Variants in OR2L13 observed in about 807,000 individuals in gnomAD.
The protein encoded by OR2L13 is olfactory receptor 2L13.
OR2L13 carries 14 observed loss-of-function variants against 15.3 expected under a neutral mutation model. The observed-to-expected ratio is 0.91, with a 90% confidence interval of 0.60 to 1.43. The LOEUF (loss-of-function observed/expected upper bound fraction) is 1.43, where lower values mean the gene tolerates loss of function less well. OR2L13 is among the 40% of genes most tolerant of loss of function. OR2L13 has a pLI of 0.00. For missense variants in OR2L13, 367 were observed against 387.9 expected (o/e 0.95, Z 0.45); for synonymous variants, 152 against 142.9 (o/e 1.06, Z -0.45).
chr1:248,081,033 C>G, the OR2L13 span, among the ~76,000 whole-genome samples: 7 of 152,184 alleles, frequency 4.6e-5, no homozygotes, highest in African/African-American at 1.7e-4. Context: ...AGAACCATAT[C>G]AGCTCATTTT....
chr1:248,006,754 C>T, the OR2L13 span, among the ~76,000 whole-genome samples: 9 of 152,088 alleles, frequency 5.9e-5, no homozygotes, highest in Admixed American at 5.9e-4. Context: ...CTTGAGAGAG[C>T]TTGTTTGTGC....
At chr1:248,057,541 G>C in the OR2L13 span, among the ~76,000 whole-genome samples, 1 of 152,070 alleles carries the variant, frequency 6.6e-6, no homozygotes, top group Non-Finnish European at 1.5e-5. Context: ...TTGCACATAA[G>C]ATGTGTCTCT....
At chr1:247,986,704 T>G in the OR2L13 span, among the ~76,000 whole-genome samples, 5,908 of 151,764 alleles carry the variant, frequency 0.039, 355 homozygotes, top group African/African-American at 0.13. Context: ...ACCTTGGGGG[T>G]TATGGCCATT....
At chr1:248,045,245 C>T in the OR2L13 span, among the ~76,000 whole-genome samples, 2 of 152,280 alleles carry the variant, frequency 1.3e-5, no homozygotes, top group South Asian at 2.1e-4. Flanking sequence ...GTTTTATTTA[C>T]GTTCCTCATT....
chr1:248,003,082 G>C, the OR2L13 span: 1 of 927,470 alleles, frequency 1.1e-6, no homozygotes, highest in African/African-American at 1.6e-5. Flanking sequence ...ATGAATTTCT[G>C]TCTTAACTTA....
At chr1:248,025,389 C>T in the OR2L13 span, among the ~76,000 whole-genome samples, 1 of 148,586 alleles carries the variant, frequency 6.7e-6, no homozygotes, top group African/African-American at 2.6e-5. Flanking sequence ...CAAATCAAAA[C>T]CACAATGAGA....
the OR2L13 span, among the ~76,000 whole-genome samples, chr1:248,053,102 C>T: frequency 1.3e-5 from 2 of 152,066 alleles, no homozygotes; most frequent in African/African-American, 2.4e-5. Flanking sequence ...AATGCTCTCC[C>T]CTCCACCGCC....
the OR2L13 span, among the ~76,000 whole-genome samples, chr1:248,011,850 A>T: frequency 1.3e-5 from 2 of 152,150 alleles, no homozygotes; most frequent in Admixed American, 1.3e-4. Flanking sequence ...GTATCTCTGT[A>T]GGTGGAATGA....
the OR2L13 span, chr1:248,038,691 A>G: frequency 6.2e-7 from 1 of 1,614,138 alleles, no homozygotes; most frequent in African/African-American, 1.3e-5. Flanking sequence ...AGTGTGTGTG[A>G]TGATGATAAC....
At chr1:248,068,245 C>T in the OR2L13 span, among the ~76,000 whole-genome samples, 1 of 152,118 alleles carries the variant, frequency 6.6e-6, no homozygotes, top group African/African-American at 2.4e-5. Context: ...GGGAGGCACC[C>T]CCCAGTAGGG....
At chr1:247,937,766 T>C in the OR2L13 span, among the ~76,000 whole-genome samples, 1 of 152,254 alleles carries the variant, frequency 6.6e-6, no homozygotes, top group Non-Finnish European at 1.5e-5. Flanking sequence ...TAGCAAAAAC[T>C]AGAAAAACAC....
upstream of OR2L13, among the ~76,000 whole-genome samples, chr1:248,094,189 T>C (rs1262140215): frequency 1.3e-5 from 2 of 152,064 alleles, no homozygotes; most frequent in Non-Finnish European, 2.9e-5. Context: ...CATGAATATA[T>C]GCAACCATTA....
chr1:247,997,411 TAAAAG>T, the OR2L13 span, among the ~76,000 whole-genome samples: 2 of 152,290 alleles, frequency 1.3e-5, no homozygotes, highest in South Asian at 2.1e-4. Flanking sequence ...ATTTCCAAAT[TAAAAG>T]AAACAATTTG....
chr1:247,990,148 A>C, the OR2L13 span: 1 of 506,416 alleles, frequency 2.0e-6, no homozygotes, highest in Non-Finnish European at 3.6e-6. Context: ...GGTTCAGTGT[A>C]AACCCCAATT....
chr1:248,061,794 C>A, the OR2L13 span: 1 of 484,046 alleles, frequency 2.1e-6, no homozygotes. Flanking sequence ...TATATAACTC[C>A]AAACAACCTT....
chr1:248,016,735 ATATT>A, the OR2L13 span, among the ~76,000 whole-genome samples: 6 of 151,878 alleles, frequency 4.0e-5, no homozygotes, highest in African/African-American at 9.7e-5. Flanking sequence ...TGTAACATAT[ATATT>A]TATTTATATG....
chr1:247,970,057 A>T, the OR2L13 span, among the ~76,000 whole-genome samples: 1 of 152,194 alleles, frequency 6.6e-6, no homozygotes, highest in Non-Finnish European at 1.5e-5. Flanking sequence ...GCATTGTAAT[A>T]ACCTGCCAGA....
chr1:248,052,340 G>T, the OR2L13 span, among the ~76,000 whole-genome samples: 2 of 152,140 alleles, frequency 1.3e-5, no homozygotes, highest in East Asian at 3.8e-4. Flanking sequence ...TATATGAGAG[G>T]CTATTTCTTG....
At chr1:248,042,081 A>G in the OR2L13 span, 3 of 152,116 alleles carry the variant, frequency 2.0e-5, no homozygotes, top group African/African-American at 7.2e-5. Context: ...CACTATTCAC[A>G]ATAGCAAAGA....
Sources: allele counts gnomAD v4.1 joint callset (sites outside exome capture counted in the v4.1 genomes callset), GRCh38; gene constraint gnomAD v4.1.1; transcripts MANE v1.5; gene names NCBI Gene and HGNC (gene_info 2026-07-23, HGNC 2026-07-21).